Variants in FRMD4B observed in about 807,000 individuals in gnomAD.
The protein encoded by FRMD4B is FERM domain containing 4B, also known as FERM domain-containing protein 4B.
In FRMD4B, 74 loss-of-function variants were observed where a neutral mutation model predicts 141.5. The ratio of observed to expected loss-of-function variants is 0.52; its 90% CI spans 0.43 to 0.63. The LOEUF (loss-of-function observed/expected upper bound fraction) is 0.63. Ranked by LOEUF, FRMD4B falls within the 30% of genes least tolerant of loss-of-function variation. The probability of loss-of-function intolerance (pLI) is 0.00; values close to 1 mark genes in which losing one functional copy is unlikely to be tolerated. For missense variants in FRMD4B, 1,366 were observed against 1,253.4 expected, an observed-to-expected ratio of 1.09 and a Z score of -1.36; for synonymous variants, 506 against 467.9, an observed-to-expected ratio of 1.08 and a Z score of -1.05.
intron 1 of FRMD4B, among the ~76,000 whole-genome samples, chr3:69,462,356 C>T (rs933476343): frequency 4.6e-5 from 7 of 152,276 alleles, no homozygotes; most frequent in Admixed American, 3.3e-4. Context: ...CCTCTCTTTC[C>T]CTGATGTCTG....
intron 7 of FRMD4B, among the ~76,000 whole-genome samples, chr3:69,246,660 G>A (rs759515816): frequency 9.9e-5 from 15 of 152,116 alleles, no homozygotes; most frequent in African/African-American, 3.1e-4. Context: ...TGAGGGAACC[G>A]AGGCTCAGAC....
chr3:69,359,753 A>G (rs891445327), intron 1 of FRMD4B, among the ~76,000 whole-genome samples: 3 of 152,188 alleles, frequency 2.0e-5, no homozygotes, highest in Admixed American at 2.0e-4. Flanking sequence ...ATGACTTTTG[A>G]CTTGGTTTTA....
intron 1 of FRMD4B, among the ~76,000 whole-genome samples, chr3:69,529,259 T>C (rs1401961979): frequency 6.6e-6 from 1 of 152,224 alleles, no homozygotes; most frequent in Non-Finnish European, 1.5e-5. Flanking sequence ...CCAGATTGTT[T>C]TGTGGAATTT....
intron 1 of FRMD4B, among the ~76,000 whole-genome samples, chr3:69,467,821 A>G (rs1705819545): frequency 6.6e-6 from 1 of 152,140 alleles, no homozygotes; most frequent in Admixed American, 6.5e-5. Context: ...ATGGGATCCT[A>G]GCAGGGGACC....
chr3:69,242,120 G>A (rs984316011), intron 7 of FRMD4B, among the ~76,000 whole-genome samples: 1 of 152,120 alleles, frequency 6.6e-6, no homozygotes, highest in Non-Finnish European at 1.5e-5. Context: ...GGCAAATATT[G>A]TTTATTGAGA....
rs550125335 is a variant in FRMD4B, at chr3:69,241,855, C to A, written c.581+7371G>T. On this transcript the variant is annotated intron_variant, in intron 7 of 22. Transcript: ENST00000398540. ...CTGCACTCCAGCCTGGGCAACACAGCGAGGATCCATCTCAAAAAAACAAAA... is the reference window on the plus strand; with the variant it reads ...CTGCACTCCAGCCTGGGCAACACAGAGAGGATCCATCTCAAAAAAACAAAA... 2.6e-5 allele frequency among the ~76,000 whole-genome samples: 4 copies of A among 151,432 alleles called. No homozygotes were observed. The South Asian group carries it at 6.3e-4, about 24-fold the overall frequency.
intron 5 of FRMD4B, among the ~76,000 whole-genome samples, chr3:69,286,036 C>A (rs191369228): frequency 1.3e-5 from 2 of 152,104 alleles, no homozygotes; most frequent in African/African-American, 4.8e-5. Context: ...AAACTGCCAA[C>A]AAGAATCCTA....
At chr3:69,301,071 G>C (rs1701202953) in intron 4 of FRMD4B, among the ~76,000 whole-genome samples, 1 of 133,094 alleles carries the variant, frequency 7.5e-6, no homozygotes, top group African/African-American at 2.9e-5. Context: ...ACTAGAAATA[G>C]CCTAAATGCT....
chr3:69,211,081 G>A (rs2093074698), intron 11 of FRMD4B, among the ~76,000 whole-genome samples: 1 of 146,430 alleles, frequency 6.8e-6, no homozygotes, highest in African/African-American at 2.5e-5. Flanking sequence ...CACTAAAGCT[G>A]TGGGCTTGTA....
At chr3:69,431,006 A>G (rs543299723) in intron 2 of FRMD4B, among the ~76,000 whole-genome samples, 1 of 152,322 alleles carries the variant, frequency 6.6e-6, no homozygotes, top group African/African-American at 2.4e-5. Context: ...AAGGAAAAAG[A>G]TACAGGAACA....
chr3:69,525,399 T>C (rs17006064), intron 1 of FRMD4B, among the ~76,000 whole-genome samples: 6,020 of 152,158 alleles, frequency 0.04, 335 homozygotes, highest in East Asian at 0.12. Context: ...GATGTTTTGA[T>C]GGTACCTCAG....
rs191109073 is a variant in FRMD4B at position 69,514,495 on chromosome 3, G to A, written c.-129+27711C>T. On this transcript the variant is annotated intron_variant, in intron 1 of 5. Coordinates refer to the FRMD4B transcript ENST00000459638. ...ACTTGAGGTCAAGATTTCAAGACCAGCCTGGCCAATGGGGTGAAAGCCTCT... is the reference window on the plus strand; with the variant it reads ...ACTTGAGGTCAAGATTTCAAGACCAACCTGGCCAATGGGGTGAAAGCCTCT... 4.3e-4 allele frequency among the ~76,000 whole-genome samples: 66 copies of A among 152,122 alleles called. 2 individuals carry two copies. Among genetic ancestry groups the A allele is most frequent in the African/African-American group, 1.3e-3 (54 of 41,516 alleles).
intron 5 of FRMD4B, among the ~76,000 whole-genome samples, chr3:69,272,093 C>G (rs1411692494): frequency 2.0e-5 from 3 of 152,162 alleles, no homozygotes; most frequent in African/African-American, 7.2e-5. Flanking sequence ...TGATCAATAT[C>G]AGTCTTCTGA....
At chr3:69,500,795 T>C (rs1392769229) in intron 1 of FRMD4B, among the ~76,000 whole-genome samples, 2 of 152,040 alleles carry the variant, frequency 1.3e-5, no homozygotes, top group African/African-American at 4.8e-5. Context: ...ACGCTCTCTT[T>C]TCTGTCATCT....
At position 69,196,124 on chromosome 3, in the gene FRMD4B, C is replaced by T. The variant is rs540595370; in HGVS notation, c.1234+131G>A. The T allele has an allele frequency of 6.0e-5, 42 of 703,072 alleles. 1 individual carries two copies. The African/African-American group carries it at 6.6e-4, about 11-fold the overall frequency. The allele number at this position is 703,072 out of a possible 1,614,324, so 43.6% of individuals were successfully genotyped here. ...CTTAAAATTTTATTCAAAGCTGTCG[C>T]ATACATACTTATTGACATACTTATT... On this transcript the variant is annotated intron_variant, in intron 14 of 22. Coordinates refer to ENST00000398540, the MANE Select transcript of FRMD4B (RefSeq NM_015123.3).
chr3:69,435,093 T>C lies in FRMD4B; in HGVS notation c.-128-2332A>G, dbSNP rs578002627. Among the ~76,000 whole-genome samples the C allele has an allele frequency of 1.1e-4, 16 of 152,260 alleles. No individual in the cohort carries two copies. The South Asian group carries it at 3.3e-3, about 32-fold the overall frequency. On this transcript the variant is annotated intron_variant, in intron 1 of 5. Coordinates refer to the FRMD4B transcript ENST00000459638. ...TCCTCAAGGCCTAATTTTAACTTAATCACCTCTTTAGAGACCCTATCCACA... is the reference window on the plus strand; with the variant it reads ...TCCTCAAGGCCTAATTTTAACTTAACCACCTCTTTAGAGACCCTATCCACA...
At chr3:69,425,263 T>C (rs149705728) in intron 2 of FRMD4B, among the ~76,000 whole-genome samples, 44 of 152,304 alleles carry the variant, frequency 2.9e-4, no homozygotes, top group African/African-American at 9.9e-4. Flanking sequence ...TAAATGTTAA[T>C]CAATTCTATT....
intron 1 of FRMD4B, among the ~76,000 whole-genome samples, chr3:69,528,366 C>T (rs972673094): frequency 2.0e-5 from 3 of 147,944 alleles, no homozygotes; most frequent in Admixed American, 6.8e-5. Context: ...TTCTCTCTCT[C>T]TTTTTTTTCT....
chr3:69,262,830 A>G (rs2093536698), intron 5 of FRMD4B, among the ~76,000 whole-genome samples: 1 of 152,198 alleles, frequency 6.6e-6, no homozygotes, highest in Non-Finnish European at 1.5e-5. Flanking sequence ...CAAGCTGGGC[A>G]TAGCTACATA....
Sources: allele counts gnomAD v4.1 joint callset (sites outside exome capture counted in the v4.1 genomes callset), GRCh38; gene constraint gnomAD v4.1.1; transcripts MANE v1.5; gene names NCBI Gene and HGNC (gene_info 2026-07-23, HGNC 2026-07-21).